NOX5: variants seen among roughly 807,000 people sequenced by gnomAD.
The protein encoded by NOX5 is NADPH oxidase 5, also known as NADPH oxidase, EF-hand calcium binding domain 5.
NOX5 carries 76 observed loss-of-function variants against 85.7 expected under a neutral mutation model. The observed-to-expected ratio is 0.89, with a 90% CI of 0.74 to 1.07. NOX5 has a LOEUF of 1.07. Among genes scored for constraint, NOX5 ranks in the 50% least tolerant of loss-of-function variants. The probability of loss-of-function intolerance (pLI) is 0.00; values close to 1 mark genes in which losing one functional copy is unlikely to be tolerated. For missense variants in NOX5, 973 were observed against 999.5 expected (o/e 0.97, Z 0.36); for synonymous variants, 405 against 401.4 (o/e 1.01, Z -0.11).
At chr15:69,041,900 A>G (rs1373804398) in intron 9 of NOX5, among the ~76,000 whole-genome samples, 1 of 150,802 alleles carries the variant, frequency 6.6e-6, no homozygotes, top group African/African-American at 2.4e-5. Context: ...TTCATCAGCT[A>G]TTGTTAGTGT....
intron 1 of NOX5, among the ~76,000 whole-genome samples, chr15:69,015,200 T>C (rs982428676): frequency 6.6e-6 from 1 of 152,154 alleles, no homozygotes; most frequent in Admixed American, 6.5e-5. Context: ...GAGCACATTG[T>C]TCCCCTTGAG....
At position 69,047,523 on chromosome 15, in the gene NOX5, G is replaced by T; in HGVS notation, c.1803G>T (p.Gln601His). ...IGITPFASILQSIMYRHQKRK... is the reference protein window; with the variant it reads ...IGITPFASILHSIMYRHQKRK... The stretch of plus-strand genomic sequence containing the variant: ...TCACCCCCTTTGCTTCCATTCTGCA[G>T]AGTATCATGTACAGGTGGGTGAACA... The change falls in exon 12 of 16, where the codon CAG (glutamine) becomes CAT (histidine). Residue 601 changes from glutamine to histidine, a missense_variant. Gln to His is a conservative substitution (Grantham distance 24, BLOSUM62 0). Transcript: ENST00000388866. 1 of 1,613,936 alleles carries T rather than the reference G, an allele frequency of 6.2e-7. No individual in the cohort carries two copies. Among genetic ancestry groups the T allele is most frequent in the Non-Finnish European group, 8.5e-7 (1 of 1,179,956 alleles).
intron 10 of NOX5, among the ~76,000 whole-genome samples, chr15:69,046,587 A>T (rs1024031779): frequency 5.9e-5 from 9 of 152,182 alleles, no homozygotes; most frequent in African/African-American, 2.2e-4. Flanking sequence ...GATTTACACC[A>T]CAGAAATGGG....
At chr15:69,027,172 G>A (rs2050368618) in intron 2 of NOX5, among the ~76,000 whole-genome samples, 1 of 152,066 alleles carries the variant, frequency 6.6e-6, no homozygotes, top group Non-Finnish European at 1.5e-5. Flanking sequence ...TCCTTGACAG[G>A]GACTAGCCGA....
At chr15:69,027,224 C>T (rs2050369570) in intron 2 of NOX5, among the ~76,000 whole-genome samples, 1 of 152,176 alleles carries the variant, frequency 6.6e-6, no homozygotes, top group Non-Finnish European at 1.5e-5. Flanking sequence ...GGACCCTCCC[C>T]TGCTGGTCCT....
At chr15:69,034,532 G>A (rs1354584860) in intron 5 of NOX5, among the ~76,000 whole-genome samples, 2 of 152,118 alleles carry the variant, frequency 1.3e-5, no homozygotes, top group Non-Finnish European at 2.9e-5. Flanking sequence ...TTCCTGTGAG[G>A]GGTAGTTAGC....
intron 5 of NOX5, among the ~76,000 whole-genome samples, chr15:69,035,012 T>C (rs113907282): frequency 5.1e-4 from 78 of 152,306 alleles, no homozygotes; most frequent in African/African-American, 1.8e-3. Context: ...GTGATCCTAC[T>C]GTCTCAGCCT....
At position 69,035,833 on chromosome 15, in the gene NOX5, GGGTACAC is replaced by G; in HGVS notation, c.1089_1095del (p.His364ArgfsTer114). The G allele has an allele frequency of 2.5e-6, 4 of 1,614,200 alleles. No homozygotes were observed. The highest frequency in any genetic ancestry group is 3.4e-6 in the Non-Finnish European group (4 of 1,180,040). On this transcript the variant is annotated frameshift_variant, in exon 7 of 16. Transcript: ENST00000388866. LOFTEE classifies it high-confidence loss of function. ...CTCACCACGAGGCCTGGCATTGGCT[GGGTACAC>G]GGTTCGGCCTCCCCGACAGGTGTCG... is the stretch of plus-strand genomic sequence containing the variant.
chr15:69,017,178 G>A (rs1231062103), intron 1 of NOX5, among the ~76,000 whole-genome samples: 1 of 151,948 alleles, frequency 6.6e-6, no homozygotes, highest in Non-Finnish European at 1.5e-5. Flanking sequence ...CTGAGACAGA[G>A]CCTCACTCTG....
chr15:69,055,284 C>A (rs1256744831), intron 14 of NOX5, 50 bp from the exon 15 acceptor site: 1 of 1,581,848 alleles, frequency 6.3e-7, no homozygotes, highest in Non-Finnish European at 8.6e-7. Flanking sequence ...TGCCCTGCGC[C>A]CATGATGGGT....
In NOX5 at chr15:69,055,320, C is replaced by G. The variant is rs748836200; in HGVS notation, c.2000-14C>G. ...ACTAGACCCTCAGTGCAGCCCTTGT[C>G]CCCTGCCCAACAGGCCGCTTCCTGG... On this transcript the variant is annotated splice_polypyrimidine_tract_variant and intron_variant, in intron 14 of 15. Coordinates refer to ENST00000388866, the MANE Select transcript of NOX5 (RefSeq NM_024505.4). The G allele has an allele frequency of 6.2e-7, 1 of 1,613,194 alleles. No homozygotes were observed. Among genetic ancestry groups the G allele is most frequent in the Non-Finnish European group, 8.5e-7 (1 of 1,179,428 alleles).
chr15:69,047,545 A>T lies in NOX5; in HGVS notation c.1817+8A>T, dbSNP rs771637436. Reference sequence around the variant, plus strand: ...GCAGAGTATCATGTACAGGTGGGTGAACAGTGTGCTCCTGCCTGCATCCTG... The same window carrying T: ...GCAGAGTATCATGTACAGGTGGGTGTACAGTGTGCTCCTGCCTGCATCCTG... On this transcript the variant is annotated splice_region_variant and intron_variant, in intron 12 of 15. Coordinates refer to ENST00000388866, the MANE Select transcript of NOX5 (RefSeq NM_024505.4). 1.2e-6 allele frequency: 2 copies of T among 1,612,850 alleles called. No homozygotes were observed. Among genetic ancestry groups the T allele is most frequent in the Non-Finnish European group, 8.5e-7 (1 of 1,179,472 alleles).
chr15:69,045,706 T>A (rs2050665176), intron 10 of NOX5, among the ~76,000 whole-genome samples: 1 of 151,682 alleles, frequency 6.6e-6, no homozygotes. Context: ...CTTTCCTTTC[T>A]CACTTTGTAA....
In NOX5 at chr15:69,056,591, G is replaced by T; in HGVS notation, c.2193G>T (p.Lys731Asn). Residue 731 changes from lysine to asparagine, a missense_variant, in exon 16 of 16, where the codon AAG becomes AAT. Transcript: ENST00000388866. ...TGTTCCAGAAAGTGGCTGCTGAGAA[G>T]AAGGGCAAGGTGCAGGTCTTCTTCT... ...SKVFQKVAAEKKGKVQVFFCG... is the reference protein window; with the variant it reads ...SKVFQKVAAENKGKVQVFFCG... 6.2e-7 allele frequency: 1 copy of T among 1,613,560 alleles called. No individual in the cohort carries two copies. The highest frequency in any genetic ancestry group is 1.8e-4 in the Middle Eastern group (1 of 5,548).
Position 69,055,470 on chromosome 15 carries a change from C to T in NOX5, c.2136C>T (p.Arg712=). The change falls in exon 15 of 16, where the codon CGC becomes CGT. Residue 712 remains arginine (R), a synonymous_variant. Transcript: ENST00000388866. Reference sequence around the variant, plus strand: ...ACTCCATCACGGGGCTGCAGACGCGCACCCAGCCTGGGCGGCCTGACTGGA... The same window carrying T: ...ACTCCATCACGGGGCTGCAGACGCGTACCCAGCCTGGGCGGCCTGACTGGA... ...KKDSITGLQT[R]TQPGRPDWSK... 2 of 1,614,112 alleles carry T rather than the reference C, an allele frequency of 1.2e-6. No homozygotes were observed.
intron 10 of NOX5, among the ~76,000 whole-genome samples, chr15:69,044,685 T>C (rs1450675449): frequency 6.6e-6 from 1 of 152,164 alleles, no homozygotes; most frequent in African/African-American, 2.4e-5. Flanking sequence ...TATGTAAAAG[T>C]GTTGTGTATG....
chr15:69,038,715 C>G, intron 8 of NOX5, 142 bp from the exon 9 acceptor site: 3 of 1,177,962 alleles, frequency 2.5e-6, no homozygotes, highest in Non-Finnish European at 3.7e-6. Flanking sequence ...GGCCACCACT[C>G]AGAAGCACAG....
At chr15:69,031,345 T>C in intron 3 of NOX5, 173 bp from the exon 4 acceptor site, 1 of 661,612 alleles carries the variant, frequency 1.5e-6, no homozygotes. Context: ...CCAAAGATTC[T>C]CCACCCGTGG....
chr15:69,030,665 A>C (rs1393604752), intron 3 of NOX5: 2 of 152,200 alleles, frequency 1.3e-5, no homozygotes, highest in Non-Finnish European at 2.9e-5. Context: ...AGAGTGGTAT[A>C]ATATACTCTA....
Sources: allele counts gnomAD v4.1 joint callset (sites outside exome capture counted in the v4.1 genomes callset), GRCh38; gene constraint gnomAD v4.1.1; transcripts MANE v1.5; gene names NCBI Gene and HGNC (gene_info 2026-07-23, HGNC 2026-07-21).